The following LRRC7 variants were observed in gnomAD, a reference collection of about 807,000 sequenced individuals.
LRRC7 encodes leucine rich repeat containing 7, also known as leucine-rich repeat-containing protein 7.
LRRC7 carries 23 observed loss-of-function variants against 175.7 expected under a neutral mutation model. That is an observed-to-expected ratio of 0.13 (90% CI 0.09 to 0.19). The LOEUF is 0.19. LRRC7 is among the 10% of genes least tolerant of loss of function. LRRC7 has a pLI of 1.00. For missense variants in LRRC7, 1,354 were observed against 1,904.7 expected (o/e 0.71, Z 5.38); for synonymous variants, 685 against 680.9 (o/e 1.01, Z -0.09).
intron 23 of LRRC7, among the ~76,000 whole-genome samples, chr1:70,069,916 G>A (rs1382176626): frequency 6.6e-6 from 1 of 152,000 alleles, no homozygotes; most frequent in Non-Finnish European, 1.5e-5. Flanking sequence ...TTTTTGATTT[G>A]TTATTGTATT....
chr1:69,890,680 G>T (rs980170484), intron 7 of LRRC7, among the ~76,000 whole-genome samples: 3 of 152,196 alleles, frequency 2.0e-5, no homozygotes, highest in African/African-American at 7.2e-5. Flanking sequence ...TCCAAAGGAA[G>T]GCTATTTTAT....
intron 8 of LRRC7, among the ~76,000 whole-genome samples, chr1:69,977,680 C>T (rs1311825783): frequency 6.6e-6 from 1 of 152,152 alleles, no homozygotes; most frequent in Admixed American, 6.5e-5. Context: ...CTGCATGGCA[C>T]TTGCAGCCCA....
chr1:69,968,423 A>G lies in LRRC7; in HGVS notation c.712-11956A>G, dbSNP rs988863987. Among the ~76,000 whole-genome samples, 5 of 152,362 alleles carry G rather than the reference A, an allele frequency of 3.3e-5. No homozygotes were observed. In the East Asian group the frequency reaches 7.7e-4, roughly 23 times the overall value. On this transcript the variant is annotated intron_variant, in intron 8 of 26. Coordinates refer to ENST00000651989, the MANE Select transcript of LRRC7 (RefSeq NM_001370785.2). The stretch of plus-strand genomic sequence containing the variant: ...ACTTCCCCAGCCTTGCTAAAGAACT[A>G]GACATCTGAATACAAGAAGCTCAAA...
intron 4 of LRRC7, among the ~76,000 whole-genome samples, chr1:69,809,806 A>G (rs745940080): frequency 2.0e-5 from 3 of 152,060 alleles, no homozygotes; most frequent in Non-Finnish European, 4.4e-5. Flanking sequence ...TGAGAAACCC[A>G]CAGCCATTAT....
chr1:69,879,391 T>C (rs185163324), intron 7 of LRRC7, among the ~76,000 whole-genome samples: 233 of 151,848 alleles, frequency 1.5e-3, no homozygotes, highest in Admixed American at 4.6e-3. Flanking sequence ...ATGAATGAAA[T>C]TGGAGTCTCA....
chr1:69,843,234 G>C (rs918018124), intron 7 of LRRC7, among the ~76,000 whole-genome samples: 1 of 151,616 alleles, frequency 6.6e-6, no homozygotes, highest in Non-Finnish European at 1.5e-5. Flanking sequence ...ACCTAGTATA[G>C]AGCATCAAAA....
chr1:70,032,162 T>C (rs1442572417), intron 18 of LRRC7, among the ~76,000 whole-genome samples: 1 of 152,206 alleles, frequency 6.6e-6, no homozygotes, highest in Non-Finnish European at 1.5e-5. Context: ...AAGCTAGCCA[T>C]TTGCACAGTG....
chr1:69,713,198 T>C (rs754268102), intron 2 of LRRC7, among the ~76,000 whole-genome samples: 60 of 152,034 alleles, frequency 3.9e-4, no homozygotes, highest in Admixed American at 1.4e-3. Context: ...GAAGAACTTA[T>C]TTTAAGGCCA....
chr1:69,672,842 T>C (rs937758014), intron 1 of LRRC7, among the ~76,000 whole-genome samples: 1 of 152,192 alleles, frequency 6.6e-6, no homozygotes, highest in Non-Finnish European at 1.5e-5. Context: ...CATTTCACTA[T>C]TGAGATTATC....
chr1:69,919,324 T>G (rs1228818597), intron 7 of LRRC7: 2 of 573,422 alleles, frequency 3.5e-6, no homozygotes, highest in Admixed American at 6.0e-5. Context: ...CAATAAAACT[T>G]TATTTACAAA....
chr1:69,819,104 T>G (rs1426001520), intron 4 of LRRC7, among the ~76,000 whole-genome samples: 3 of 152,084 alleles, frequency 2.0e-5, no homozygotes, highest in Non-Finnish European at 4.4e-5. Flanking sequence ...GCTCTGATAT[T>G]TGTTGGGTTT....
At chr1:69,768,319 C>T (rs1355091976) in intron 3 of LRRC7, among the ~76,000 whole-genome samples, 1 of 152,122 alleles carries the variant, frequency 6.6e-6, no homozygotes, top group Non-Finnish European at 1.5e-5. Context: ...GGAGACTTTA[C>T]CCTTGGTTTT....
chr1:69,938,812 C>T (rs1301180531), intron 8 of LRRC7, among the ~76,000 whole-genome samples: 1 of 151,452 alleles, frequency 6.6e-6, no homozygotes, highest in Admixed American at 6.6e-5. Context: ...CATAGGTTTG[C>T]CACACCTACT....
intron 4 of LRRC7, among the ~76,000 whole-genome samples, chr1:69,806,457 C>T (rs548646339): frequency 6.6e-6 from 1 of 151,990 alleles, no homozygotes; most frequent in Non-Finnish European, 1.5e-5. Context: ...CAGAATCAGT[C>T]GTATGACTCT....
chr1:69,780,695 T>G (rs1673388287), intron 3 of LRRC7, among the ~76,000 whole-genome samples: 1 of 152,212 alleles, frequency 6.6e-6, no homozygotes, highest in Non-Finnish European at 1.5e-5. Flanking sequence ...TTAAAATATT[T>G]TATTATAATG....
intron 18 of LRRC7, among the ~76,000 whole-genome samples, chr1:70,031,834 C>T (rs1658763245): frequency 6.7e-6 from 1 of 149,412 alleles, no homozygotes; most frequent in Non-Finnish European, 1.5e-5. Context: ...GAGTCTCGCT[C>T]TGTTGCCAGG....
At chr1:69,666,591 A>G (rs1226627043) in intron 1 of LRRC7, among the ~76,000 whole-genome samples, 13 of 151,944 alleles carry the variant, frequency 8.6e-5, no homozygotes, top group Admixed American at 5.9e-4. Context: ...AGATTTTTCA[A>G]TTTATCATCA....
rs554374474 is a variant in LRRC7, at chr1:69,617,459, G to C, written c.2+48818G>C. Among the ~76,000 whole-genome samples the C allele has an allele frequency of 2.0e-5, 3 of 146,994 alleles. No individual in the cohort carries two copies. In the South Asian group the frequency reaches 6.4e-4, roughly 32 times the overall value. On this transcript the variant is annotated intron_variant, in intron 1 of 26. Transcript: ENST00000651989. ...TTTAAAAAGTTTAGAATCATTTTGG[G>C]AGTCATTTATAAGAAGAATGTATTA...
chr1:69,764,730 C>CAGACAGACAGAT (rs1377304958), intron 3 of LRRC7, among the ~76,000 whole-genome samples: 2,933 of 140,352 alleles, frequency 0.021, 84 homozygotes, highest in African/African-American at 0.061. Flanking sequence ...GATAGATAGA[C>CAGACAGACAGAT]AGATAGATAG....
Sources: allele counts gnomAD v4.1 joint callset (sites outside exome capture counted in the v4.1 genomes callset), GRCh38; gene constraint gnomAD v4.1.1; transcripts MANE v1.5; gene names NCBI Gene and HGNC (gene_info 2026-07-23, HGNC 2026-07-21).